RANBP2: variants seen among roughly 807,000 people sequenced by gnomAD.
RANBP2 encodes the protein E3 SUMO-protein ligase RanBP2.
RANBP2 carries 57 observed loss-of-function variants against 303.6 expected under a neutral mutation model. The ratio of observed to expected loss-of-function variants is 0.19; its 90% confidence interval spans 0.15 to 0.23. The LOEUF is 0.23. Among genes scored for constraint, RANBP2 ranks in the 10% least tolerant of loss-of-function variants. The pLI is 1.00. For synonymous variants in RANBP2, 1,167 were observed against 1,301.5 expected (o/e 0.90, Z 2.23); for missense variants, 3,138 against 3,780.8 (o/e 0.83, Z 4.46).
At chr2:109,135,651 T>C in the RANBP2 span, among the ~76,000 whole-genome samples, 1 of 152,182 alleles carries the variant, frequency 6.6e-6, no homozygotes. Context: ...TGTACGTGTG[T>C]GGATGTGGAT....
chr2:108,932,256 C>A, the RANBP2 span, among the ~76,000 whole-genome samples: 1 of 152,046 alleles, frequency 6.6e-6, no homozygotes, highest in African/African-American at 2.4e-5. Flanking sequence ...AGGCTGAGCG[C>A]GGTGGCTCAC....
At chr2:109,372,766 C>T in the RANBP2 span, among the ~76,000 whole-genome samples, 2 of 152,156 alleles carry the variant, frequency 1.3e-5, no homozygotes, top group African/African-American at 4.8e-5. Context: ...GTTTACTCAG[C>T]TCAGTGCTGG....
chr2:109,706,253 G>C, the RANBP2 span, among the ~76,000 whole-genome samples: 1 of 152,170 alleles, frequency 6.6e-6, no homozygotes, highest in Non-Finnish European at 1.5e-5. Context: ...CACCGGCATT[G>C]CTGCCCATTT....
chr2:108,795,861 A>C, the RANBP2 span, among the ~76,000 whole-genome samples: 1 of 152,210 alleles, frequency 6.6e-6, no homozygotes, highest in South Asian at 2.1e-4. Context: ...ACAAGTTTTT[A>C]AGCAAAGGAA....
chr2:108,820,839 G>C, the RANBP2 span, among the ~76,000 whole-genome samples: 2 of 152,000 alleles, frequency 1.3e-5, no homozygotes, highest in Non-Finnish European at 2.9e-5. Context: ...AATTACTAAA[G>C]AGAGTCCTTC....
At chr2:109,557,322 T>C in the RANBP2 span, among the ~76,000 whole-genome samples, 2 of 152,242 alleles carry the variant, frequency 1.3e-5, no homozygotes, top group African/African-American at 4.8e-5. Flanking sequence ...CTAACATTTG[T>C]TGAGTATCTG....
the RANBP2 span, among the ~76,000 whole-genome samples, chr2:109,336,083 C>T: frequency 5.3e-5 from 8 of 152,174 alleles, no homozygotes; most frequent in Admixed American, 5.2e-4. Flanking sequence ...TTTGAAAATT[C>T]AGGCAGGCCT....
At chr2:109,703,484 A>G in the RANBP2 span, among the ~76,000 whole-genome samples, 1 of 152,230 alleles carries the variant, frequency 6.6e-6, no homozygotes, top group Non-Finnish European at 1.5e-5. Context: ...GCTGGAGTGC[A>G]ATGGCACTAT....
At chr2:108,956,784 C>CTTTT in the RANBP2 span, among the ~76,000 whole-genome samples, 87 of 123,586 alleles carry the variant, frequency 7.0e-4, no homozygotes, top group African/African-American at 2.9e-3. Context: ...CGAAAGCTCT[C>CTTTT]TTTTTTTTTT....
chr2:108,776,602 T>G (rs2149314298), intron 24 of RANBP2, among the ~76,000 whole-genome samples: 1 of 152,278 alleles, frequency 6.6e-6, no homozygotes, highest in Middle Eastern at 3.4e-3. Context: ...ACCTAAAACC[T>G]CATACATTTT....
At chr2:109,436,838 T>C in the RANBP2 span, 1 of 1,577,456 alleles carries the variant, frequency 6.3e-7, no homozygotes, top group Non-Finnish European at 8.6e-7. Flanking sequence ...GAGGCCCACA[T>C]GGCACGAATG....
At chr2:109,114,571 T>G in the RANBP2 span, among the ~76,000 whole-genome samples, 8 of 152,150 alleles carry the variant, frequency 5.3e-5, no homozygotes, top group Non-Finnish European at 1.2e-4. Flanking sequence ...TGTTGATCCT[T>G]TCAAAAAACC....
chr2:109,657,572 TTGGAG>T, the RANBP2 span, among the ~76,000 whole-genome samples: 44,241 of 151,888 alleles, frequency 0.29, 6,854 homozygotes, highest in Middle Eastern at 0.43. Context: ...TTATTTTAAG[TTGGAG>T]TGAAGTTTAA....
intron 21 of RANBP2, 104 bp from the exon 22 acceptor site, chr2:108,772,385 A>C (rs1677569074): frequency 2.3e-6 from 2 of 859,356 alleles, no homozygotes; most frequent in Non-Finnish European, 3.8e-6. Context: ...ATTGGCTGCA[A>C]TTCAGATGTG....
the RANBP2 span, among the ~76,000 whole-genome samples, chr2:109,305,548 T>C: frequency 6.6e-6 from 1 of 152,170 alleles, no homozygotes; most frequent in Non-Finnish European, 1.5e-5. Flanking sequence ...GTGGAAATTA[T>C]GCACCAGGAA....
the RANBP2 span, among the ~76,000 whole-genome samples, chr2:108,937,261 A>G: frequency 6.6e-6 from 1 of 152,344 alleles, no homozygotes; most frequent in Non-Finnish European, 1.5e-5. Context: ...TTTCAGGGCT[A>G]TGAGGGGCAA....
the RANBP2 span, among the ~76,000 whole-genome samples, chr2:109,288,321 C>T: frequency 5.5e-4 from 84 of 152,268 alleles, no homozygotes; most frequent in African/African-American, 1.9e-3. Context: ...GCATGGAGTC[C>T]GGGGAGTTGC....
chr2:109,564,695 GAAGA>G, the RANBP2 span, among the ~76,000 whole-genome samples: 1 of 152,166 alleles, frequency 6.6e-6, no homozygotes. Context: ...TGTAACCAAG[GAAGA>G]AACTCTTGCA....
the RANBP2 span, among the ~76,000 whole-genome samples, chr2:109,316,188 G>A: frequency 2.6e-5 from 4 of 152,204 alleles, no homozygotes; most frequent in Admixed American, 6.5e-5. Context: ...TTTGGGCCTG[G>A]GGAAGGTTCC....
Sources: allele counts gnomAD v4.1 joint callset (sites outside exome capture counted in the v4.1 genomes callset), GRCh38; gene constraint gnomAD v4.1.1; transcripts MANE v1.5; gene names NCBI Gene and HGNC (gene_info 2026-07-23, HGNC 2026-07-21).